OR10G3: variants seen among roughly 807,000 people sequenced by gnomAD.
OR10G3 encodes the protein olfactory receptor 10G3.
OR10G3 carries 8 observed loss-of-function variants against 13.4 expected under a neutral mutation model. The observed-to-expected ratio is 0.60, with a 90% CI of 0.35 to 1.08. OR10G3 has a LOEUF of 1.08. Among genes scored for constraint, OR10G3 ranks in the 50% least tolerant of loss-of-function variants. The pLI is 0.02. For missense variants in OR10G3, 393 were observed against 386.6 expected (o/e 1.02, Z -0.14); for synonymous variants, 142 against 156.1 (o/e 0.91, Z 0.67).
intron 1 of OR10G3, among the ~76,000 whole-genome samples, chr14:21,573,671 CAA>C (rs35838711): frequency 1.5e-5 from 2 of 136,588 alleles, no homozygotes; most frequent in Non-Finnish European, 3.2e-5. Flanking sequence ...GACTCTGTCT[CAA>C]AAAAAAAAAA....
intron 1 of OR10G3, among the ~76,000 whole-genome samples, chr14:21,575,738 C>T (rs186154722): frequency 6.6e-6 from 1 of 152,148 alleles, no homozygotes; most frequent in African/African-American, 2.4e-5. Context: ...TCTTTCAGAG[C>T]TTAGCTCTCA....
Position 21,570,180 on chromosome 14 carries a change from C to T in OR10G3, c.565G>A (p.Ala189Thr). ...TCGTTGACTGTTGTGTCAGCACAGG[C>T]CAGTCTCAACACTGCAGGGATGTCA... ...FCDIPAVLRLACADTTVNELV... is the reference protein window; with the variant it reads ...FCDIPAVLRLTCADTTVNELV... Residue 189 changes from alanine (A) to threonine (T), a missense_variant, in exon 2 of 2, where the codon GCC (alanine) becomes ACC (threonine). Coordinates refer to ENST00000641040, the MANE Select transcript of OR10G3 (RefSeq NM_001005465.2). The T allele has an allele frequency of 6.2e-7, 1 of 1,614,184 alleles. No homozygotes were observed. Among genetic ancestry groups the T allele is most frequent in the South Asian group, 1.1e-5 (1 of 91,076 alleles).
At chr14:21,575,144 C>T (rs192907680) in intron 1 of OR10G3, among the ~76,000 whole-genome samples, 4 of 152,194 alleles carry the variant, frequency 2.6e-5, no homozygotes, top group Non-Finnish European at 4.4e-5. Flanking sequence ...TGCAGTGGTG[C>T]GATCTCGGCT....
chr14:21,576,438 CT>C (rs1005308377), intron 1 of OR10G3, among the ~76,000 whole-genome samples: 7 of 152,196 alleles, frequency 4.6e-5, no homozygotes, highest in Admixed American at 4.6e-4. Flanking sequence ...TCACAGTGAA[CT>C]ACACCTGGTA....
chr14:21,575,696 A>T (rs74673689), intron 1 of OR10G3, among the ~76,000 whole-genome samples: 3 of 152,222 alleles, frequency 2.0e-5, no homozygotes, highest in African/African-American at 7.2e-5. Flanking sequence ...CTTTACATTA[A>T]ACACTTAGCT....
chr14:21,576,319 C>A (rs1236871394), intron 1 of OR10G3, among the ~76,000 whole-genome samples: 2 of 152,106 alleles, frequency 1.3e-5, no homozygotes, highest in Admixed American at 6.6e-5. Flanking sequence ...CCCAGGGCAC[C>A]CACGTATTAA....
intron 1 of OR10G3, among the ~76,000 whole-genome samples, chr14:21,579,136 G>A (rs919233845): frequency 6.6e-6 from 1 of 152,142 alleles, no homozygotes; most frequent in Non-Finnish European, 1.5e-5. Flanking sequence ...ACCAGTGAAT[G>A]GACTTTTAAT....
In OR10G3 at chr14:21,569,692, G is replaced by A; in HGVS notation, c.*111C>T. On this transcript the variant is annotated 3_prime_UTR_variant, in exon 2 of 2. Transcript: ENST00000641040. ...ACCTTAAACTGTGTTTGATCATACA[G>A]TATGGCTATATAAAAGAGAAAAAAC... 1.2e-6 allele frequency: 1 copy of A among 812,178 alleles called. No homozygotes were observed. 50.3% of individuals were successfully genotyped at this position (812,178 alleles called of 1,614,324 possible).
In OR10G3 at chr14:21,570,374, TA is replaced by T. The variant is rs778852381; in HGVS notation, c.370del (p.Tyr124ThrfsTer14). 5 of 1,614,168 alleles carry T rather than the reference TA, an allele frequency of 3.1e-6. No individual in the cohort carries two copies. The highest frequency in any genetic ancestry group is 3.3e-4 in the Middle Eastern group (2 of 6,062). On this transcript the variant is annotated frameshift_variant, in exon 2 of 2. Coordinates refer to ENST00000641040, the MANE Select transcript of OR10G3 (RefSeq NM_001005465.2). LOFTEE classifies it high-confidence loss of function. The part of the protein sequence containing the change: ...FLYTLMAYDR[Y>X]LAICQPLRYP... ...GCGCAGGGGCTGACATATTGCCAGG[TA>T]CCTGTCATAGGCCATTAGGGTGTAG... is the stretch of plus-strand genomic sequence containing the variant.
rs61743458 is a variant in OR10G3, at chr14:21,570,246, G to A, written c.499C>T (p.Leu167=). 14,332 of 1,614,222 alleles carry A rather than the reference G, an allele frequency of 8.9e-3. 96 individuals carry two copies. The highest frequency in any genetic ancestry group is 0.01 in the Non-Finnish European group (12,182 of 1,180,032). The part of the protein sequence containing the change: ...GALQAILTFR[L]PYCGPNQVDY... ...ACCTGATTGGGCCCACAGTAGGGCA[G>A]GCGGAAGGTTAGGATGGCCTGGAGA... is the stretch of plus-strand genomic sequence containing the variant. The change falls in exon 2 of 2, where the codon CTG becomes TTG. Residue 167 remains leucine, a synonymous_variant. Transcript: ENST00000641040.
chr14:21,574,417 T>A (rs564106246), intron 1 of OR10G3, among the ~76,000 whole-genome samples: 8 of 152,072 alleles, frequency 5.3e-5, no homozygotes, highest in Non-Finnish European at 1.0e-4. Context: ...AGCTTTCTGA[T>A]TAATGATTCT....
intron 1 of OR10G3, among the ~76,000 whole-genome samples, chr14:21,577,048 G>T (rs1594491899): frequency 1.3e-5 from 2 of 151,398 alleles, no homozygotes; most frequent in Admixed American, 1.3e-4. Flanking sequence ...CTTTCTCCCT[G>T]TGTCACTGCC....
chr14:21,570,141 C>A lies in OR10G3; in HGVS notation c.604G>T (p.Val202Leu). 1 of 1,614,236 alleles carries A rather than the reference C, an allele frequency of 6.2e-7. No individual in the cohort carries two copies. Among genetic ancestry groups the A allele is most frequent in the Non-Finnish European group, 8.5e-7 (1 of 1,180,044 alleles). The change falls in exon 2 of 2, where the codon GTA becomes TTA. Residue 202 changes from valine to leucine, a missense_variant. Coordinates refer to ENST00000641040, the MANE Select transcript of OR10G3 (RefSeq NM_001005465.2). ...DTTVNELVTF[V>L]DIGVVVASCF... ...CTGGCAACCACCACCCCAATGTCTACAAACGTCACCAGCTCGTTGACTGTT... is the reference window on the plus strand; with the variant it reads ...CTGGCAACCACCACCCCAATGTCTAAAAACGTCACCAGCTCGTTGACTGTT...
In OR10G3 at chr14:21,569,746, C is replaced by T. The variant is rs1031857783; in HGVS notation, c.*57G>A. 35 of 1,443,344 alleles carry T rather than the reference C, an allele frequency of 2.4e-5. No homozygotes were observed. The African/African-American group carries it at 4.4e-4, about 18-fold the overall frequency. The allele number at this position is 1,443,344 out of a possible 1,614,324, so 89.4% of individuals were successfully genotyped here. On this transcript the variant is annotated 3_prime_UTR_variant, in exon 2 of 2. Transcript: ENST00000641040. Reference sequence around the variant, plus strand: ...AAGAAAAGAAAAAAGTTACCGAAGCCTAAACATTATAATAAATTCTAATTG... The same window carrying T: ...AAGAAAAGAAAAAAGTTACCGAAGCTTAAACATTATAATAAATTCTAATTG...
Position 21,569,375 on chromosome 14 carries a change from C to G in OR10G3, c.*428G>C, listed in dbSNP as rs939679123. ...TTAATCTCTTTTGGCAACACCCTCA[C>G]AGGCACACCCAGGATCAATACTTTG... On this transcript the variant is annotated 3_prime_UTR_variant, in exon 2 of 2. Coordinates refer to ENST00000641040, the MANE Select transcript of OR10G3 (RefSeq NM_001005465.2). The G allele has an allele frequency of 1.9e-5, 3 of 161,584 alleles. No individual in the cohort carries two copies. Among genetic ancestry groups the G allele is most frequent in the Non-Finnish European group, 4.1e-5 (3 of 73,648 alleles). The allele number at this position is 161,584 out of a possible 1,614,324, so 10.0% of individuals were successfully genotyped here.
intron 1 of OR10G3, among the ~76,000 whole-genome samples, chr14:21,573,640 C>G (rs1019068944): frequency 4.6e-5 from 7 of 151,294 alleles, no homozygotes; most frequent in Admixed American, 2.0e-4. Flanking sequence ...CCACTGCACT[C>G]CAGCCTGGGT....
intron 1 of OR10G3, among the ~76,000 whole-genome samples, chr14:21,573,615 T>C (rs1465645382): frequency 2.6e-5 from 4 of 151,146 alleles, no homozygotes; most frequent in African/African-American, 9.8e-5. Flanking sequence ...GAGGTTGTAG[T>C]GAGCTGAGAT....
At chr14:21,578,535 C>A (rs1876812164) in intron 1 of OR10G3, among the ~76,000 whole-genome samples, 1 of 152,008 alleles carries the variant, frequency 6.6e-6, no homozygotes, top group African/African-American at 2.4e-5. Context: ...TAATTTTGAG[C>A]AACCAAGGAG....
Position 21,570,001 on chromosome 14 carries a change from C to T in OR10G3, c.744G>A (p.Val248=), listed in dbSNP as rs922294033. 6 of 1,613,874 alleles carry T rather than the reference C, an allele frequency of 3.7e-6. No homozygotes were observed. Among genetic ancestry groups the T allele is most frequent in the Non-Finnish European group, 5.1e-6 (6 of 1,179,928 alleles). The part of the protein sequence containing the change: ...AFSTCGAHVT[V]VTVYYVPCAF... ...CACAGGGCACATAGTACACGGTGAC[C>T]ACGGTTACATGGGCTCCACAAGTTG... is the stretch of plus-strand genomic sequence containing the variant. The change falls in exon 2 of 2, where the codon GTG becomes GTA. Residue 248 remains valine (V), a synonymous_variant. Coordinates refer to ENST00000641040, the MANE Select transcript of OR10G3 (RefSeq NM_001005465.2).
Sources: allele counts gnomAD v4.1 joint callset (sites outside exome capture counted in the v4.1 genomes callset), GRCh38; gene constraint gnomAD v4.1.1; transcripts MANE v1.5; gene names NCBI Gene and HGNC (gene_info 2026-07-23, HGNC 2026-07-21).